The following CSDE1 variants were observed in gnomAD, a reference collection of about 807,000 sequenced individuals.
The protein encoded by CSDE1 is cold shock domain containing E1.
In CSDE1, 17 loss-of-function variants were observed where a neutral mutation model predicts 89.3. The observed-to-expected ratio is 0.19, with a 90% CI of 0.13 to 0.29. CSDE1 has a LOEUF of 0.29. Among genes scored for constraint, CSDE1 ranks in the 10% least tolerant of loss-of-function variants. The pLI is 1.00. For synonymous variants in CSDE1, 322 were observed against 332.8 expected (o/e 0.97, Z 0.35); for missense variants, 672 against 984.2 (o/e 0.68, Z 4.24).
At chr1:114,736,033 T>C (rs1660383480) in intron 6 of CSDE1, among the ~76,000 whole-genome samples, 1 of 152,110 alleles carries the variant, frequency 6.6e-6, no homozygotes. Context: ...TCCTTATGTC[T>C]CCTTAGCCCA....
At chr1:114,730,738 G>C (rs548618766) in intron 10 of CSDE1, 90 bp from the exon 11 acceptor site, 2 of 1,473,308 alleles carry the variant, frequency 1.4e-6, no homozygotes, top group East Asian at 2.3e-5. Flanking sequence ...AAATTCATCA[G>C]GAATTTTCTC....
At chr1:114,719,516 A>G (rs1659391041) in intron 18 of CSDE1, 63 bp downstream of exon 18, 5 of 1,487,076 alleles carry the variant, frequency 3.4e-6, no homozygotes, top group Non-Finnish European at 3.6e-6. Flanking sequence ...GTGACAAAAC[A>G]GAGACTATAA....
intron 2 of CSDE1, among the ~76,000 whole-genome samples, chr1:114,747,163 G>T (rs1038274846): frequency 1.3e-5 from 2 of 152,130 alleles, no homozygotes; most frequent in Admixed American, 1.3e-4. Flanking sequence ...TCAAACAAAT[G>T]CTTTATAAGC....
intron 1 of CSDE1, among the ~76,000 whole-genome samples, chr1:114,753,553 T>G (rs183695139): frequency 2.0e-5 from 3 of 152,344 alleles, no homozygotes; most frequent in Non-Finnish European, 2.9e-5. Context: ...CCACCTCTTT[T>G]GCCTTAACCC....
chr1:114,724,897 T>G (rs531508554), intron 15 of CSDE1, among the ~76,000 whole-genome samples: 7 of 152,264 alleles, frequency 4.6e-5, no homozygotes, highest in Admixed American at 2.6e-4. Context: ...TATCCTGGGT[T>G]TATTTTTCAA....
At position 114,730,345 on chromosome 1, in the gene CSDE1, A is replaced by G. The variant is rs1309921962; in HGVS notation, c.1269T>C (p.His423=). 1 of 1,614,096 alleles carries G rather than the reference A, an allele frequency of 6.2e-7. No individual in the cohort carries two copies. The highest frequency in any genetic ancestry group is 1.3e-5 in the African/African-American group (1 of 74,944). ...CCGTGCCCAGAAAACGGTGATCTGA[A>G]TGGGAATGAAATGAAACCGTGCCCT... The part of the protein sequence containing the change: ...LPKGTVSFHS[H]SDHRFLGTVE... The change falls in exon 12 of 20, where the codon CAT becomes CAC. Residue 423 remains histidine (H), a synonymous_variant. Transcript: ENST00000358528.
Position 114,719,761 on chromosome 1 carries a change from T to C in CSDE1, c.2053-19A>G. On this transcript the variant is annotated intron_variant, in intron 17 of 19. Transcript: ENST00000358528. Reference sequence around the variant, plus strand: ...AGCCAAACTGAAAAAAAAAAGTAGGTAAAAAAGAGAGGGCATGCCACACCT... The same window carrying C: ...AGCCAAACTGAAAAAAAAAAGTAGGCAAAAAAGAGAGGGCATGCCACACCT... The C allele has an allele frequency of 6.2e-7, 1 of 1,603,038 alleles. No homozygotes were observed. Among genetic ancestry groups the C allele is most frequent in the Non-Finnish European group, 8.5e-7 (1 of 1,176,922 alleles).
At position 114,716,941 on chromosome 1, in the gene CSDE1, T is replaced by C. The variant is rs1044648601; in HGVS notation, c.*1228A>G. 1 of 152,718 alleles carries C rather than the reference T, an allele frequency of 6.5e-6. No homozygotes were observed. Among genetic ancestry groups the C allele is most frequent in the Non-Finnish European group, 1.5e-5 (1 of 68,088 alleles). 9.5% of individuals were successfully genotyped at this position (152,718 alleles called of 1,614,324 possible). A position where few individuals can be genotyped will look rare whatever the true frequency, so the allele number is the denominator to read the frequency against. The stretch of plus-strand genomic sequence containing the variant: ...TAGTGTCTCAAAAATCAGTAAAACT[T>C]TATTCGCTTCCATTCTTTCGCCATT... On this transcript the variant is annotated 3_prime_UTR_variant, in exon 20 of 20. Coordinates refer to ENST00000358528, the MANE Select transcript of CSDE1 (RefSeq NM_001007553.3).
At chr1:114,743,657 C>T (rs1660858297) in intron 2 of CSDE1, among the ~76,000 whole-genome samples, 1 of 152,222 alleles carries the variant, frequency 6.6e-6, no homozygotes, top group Non-Finnish European at 1.5e-5. Flanking sequence ...CTCTTTTTCT[C>T]ACCCAAAGGG....
intron 2 of CSDE1, among the ~76,000 whole-genome samples, chr1:114,743,160 AT>A (rs1160781853): frequency 6.6e-6 from 1 of 152,022 alleles, no homozygotes; most frequent in East Asian, 1.9e-4. Context: ...TAATTAATTT[AT>A]TTTTGAGACA....
rs61752481 is a variant in CSDE1 at position 114,737,984 on chromosome 1, A to G, written c.288T>C (p.Pro96=). The change falls in exon 4 of 20, where the codon CCT becomes CCC. Residue 96 remains proline (P), a synonymous_variant. Coordinates refer to ENST00000358528, the MANE Select transcript of CSDE1 (RefSeq NM_001007553.3). The part of the protein sequence containing the change: ...KLVKIKQEIL[P]EERMNGQVVC... ...TAACTTGTCCATTCATTCGTTCTTCAGGGAGGATTTCTTGTTTTATCTTCA... is the reference window on the plus strand; with the variant it reads ...TAACTTGTCCATTCATTCGTTCTTCGGGGAGGATTTCTTGTTTTATCTTCA... 1.5e-4 allele frequency: 244 copies of G among 1,613,074 alleles called. No homozygotes were observed. The highest frequency in any genetic ancestry group is 1.8e-4 in the Non-Finnish European group (214 of 1,179,162).
At chr1:114,728,615 G>A (rs1406678317) in intron 12 of CSDE1, among the ~76,000 whole-genome samples, 1 of 152,160 alleles carries the variant, frequency 6.6e-6, no homozygotes, top group African/African-American at 2.4e-5. Context: ...CATTTGGGAA[G>A]CAGAGCATTC....
chr1:114,718,250 A>G, intron 19 of CSDE1, 34 bp from the exon 20 acceptor site: 2 of 1,602,566 alleles, frequency 1.2e-6, no homozygotes, highest in Non-Finnish European at 1.7e-6. Flanking sequence ...CCCTGCAGTT[A>G]ATGATTTGAG....
intron 6 of CSDE1, among the ~76,000 whole-genome samples, chr1:114,736,316 C>A (rs1660399061): frequency 6.6e-6 from 1 of 152,192 alleles, no homozygotes; most frequent in Non-Finnish European, 1.5e-5. Flanking sequence ...ACCAATCACA[C>A]TTCCTTGTTT....
At chr1:114,732,096 G>A (rs902918944) in intron 10 of CSDE1, among the ~76,000 whole-genome samples, 11 of 152,052 alleles carry the variant, frequency 7.2e-5, no homozygotes, top group East Asian at 1.9e-4. Flanking sequence ...TTACAGGTGT[G>A]AGCCACCGTG....
In CSDE1 at chr1:114,732,549, A is replaced by G. The variant is rs534758514; in HGVS notation, c.1050+55T>C. The G allele has an allele frequency of 2.6e-6, 4 of 1,543,844 alleles. No homozygotes were observed. In the East Asian group the frequency reaches 9.0e-5, roughly 35 times the overall value. ...TTTTAATTTAGTAGTATAAACTTGAATATAACATTGGCTTTCGCATATTAG... is the reference window on the plus strand; with the variant it reads ...TTTTAATTTAGTAGTATAAACTTGAGTATAACATTGGCTTTCGCATATTAG... On this transcript the variant is annotated intron_variant, in intron 10 of 19. Transcript: ENST00000358528.
At chr1:114,736,730 T>G (rs745536318) in intron 6 of CSDE1, 28 bp downstream of exon 6, 11 of 1,491,664 alleles carry the variant, frequency 7.4e-6, no homozygotes, top group South Asian at 1.2e-5. Context: ...ACCGCTTAGG[T>G]GAGAAAATTT....
chr1:114,739,580 A>G, intron 3 of CSDE1, 112 bp downstream of exon 3: 1 of 850,298 alleles, frequency 1.2e-6, no homozygotes. Flanking sequence ...TACAACTAAA[A>G]GTCCAAAATG....
Position 114,739,623 on chromosome 1 carries a change from T to C in CSDE1, c.199+69A>G, listed in dbSNP as rs910265220. The stretch of plus-strand genomic sequence containing the variant: ...TTACATAAAACTTTTTGAAAAACAC[T>C]CATGAACAAATTGATATGCAAGACA... On this transcript the variant is annotated intron_variant, in intron 3 of 19. Coordinates refer to ENST00000358528, the MANE Select transcript of CSDE1 (RefSeq NM_001007553.3). 6 of 1,353,274 alleles carry C rather than the reference T, an allele frequency of 4.4e-6. No homozygotes were observed. The African/African-American group carries it at 8.6e-5, about 20-fold the overall frequency. 83.8% of individuals were successfully genotyped at this position (1,353,274 alleles called of 1,614,324 possible). A position where few individuals can be genotyped will look rare whatever the true frequency, so the allele number is the denominator to read the frequency against.
Sources: allele counts gnomAD v4.1 joint callset (sites outside exome capture counted in the v4.1 genomes callset), GRCh38; gene constraint gnomAD v4.1.1; transcripts MANE v1.5; gene names NCBI Gene and HGNC (gene_info 2026-07-23, HGNC 2026-07-21).